Variants in SLC25A42 observed in about 807,000 individuals in gnomAD.
The protein encoded by SLC25A42 is mitochondrial coenzyme A transporter SLC25A42.
A neutral mutation model predicts 34.7 loss-of-function variants in SLC25A42; 19 were observed. The ratio of observed to expected loss-of-function variants is 0.55; its 90% CI spans 0.38 to 0.80. SLC25A42 has a LOEUF of 0.80. Among genes scored for constraint, SLC25A42 ranks in the 30% least tolerant of loss-of-function variants. SLC25A42 has a pLI of 0.00. For synonymous variants in SLC25A42, 205 were observed against 191.2 expected, an observed-to-expected ratio of 1.07 and a Z score of -0.59; for missense variants, 364 against 441.3, an observed-to-expected ratio of 0.82 and a Z score of 1.57.
rs199906422 is a variant in SLC25A42 at position 19,095,321 on chromosome 19, G to GA, written c.-34-760dup. ...CTACTGCACTTGAGCCTGGGTGGGG[G>GA]AAAAAAAAAAGGCCAGGTGCGGTGG... On this transcript the variant is annotated intron_variant, in intron 1 of 7. Coordinates refer to ENST00000318596, the MANE Select transcript of SLC25A42 (RefSeq NM_178526.5). Among the ~76,000 whole-genome samples the GA allele has an allele frequency of 5.4e-4, 78 of 145,500 alleles. No individual in the cohort carries two copies. In the South Asian group the frequency reaches 8.1e-3, roughly 15 times the overall value.
At chr19:19,096,298 C>G in intron 2 of SLC25A42, 93 bp downstream of exon 2, 1 of 916,658 alleles carries the variant, frequency 1.1e-6, no homozygotes, top group South Asian at 1.6e-5. Flanking sequence ...CTCCCAGCCT[C>G]TGCACCCCCT....
chr19:19,076,485 AACAGGTGTTCTCC>A (rs1230223371), intron 1 of SLC25A42, among the ~76,000 whole-genome samples: 1 of 151,822 alleles, frequency 6.6e-6, no homozygotes, highest in African/African-American at 2.4e-5. Flanking sequence ...AACAAAACAA[AACAGGTGTTCTCC>A]ACAGGTTGGA....
chr19:19,106,114 T>G lies in SLC25A42; in HGVS notation c.381-155T>G. The G allele has an allele frequency of 7.8e-6, 5 of 641,924 alleles. No individual in the cohort carries two copies. The South Asian group carries it at 9.7e-5, about 12-fold the overall frequency. 39.8% of individuals were successfully genotyped at this position (641,924 alleles called of 1,614,324 possible). A position where few individuals can be genotyped will look rare whatever the true frequency, so the allele number is the denominator to read the frequency against. On this transcript the variant is annotated intron_variant, in intron 5 of 7. Coordinates refer to ENST00000318596, the MANE Select transcript of SLC25A42 (RefSeq NM_178526.5). ...AATGAGGCCCACTCCAGAGACCCCA[T>G]CAGCTTGGCCAGGAGGAAGCCAAAC...
At chr19:19,072,842 C>G (rs1322209374) in intron 1 of SLC25A42, among the ~76,000 whole-genome samples, 1 of 150,882 alleles carries the variant, frequency 6.6e-6, no homozygotes, top group East Asian at 2.0e-4. Context: ...CCATACCTGG[C>G]TAATTTATTT....
intron 3 of SLC25A42, among the ~76,000 whole-genome samples, chr19:19,103,076 TTTTA>T (rs891612010): frequency 8.5e-5 from 13 of 152,108 alleles, no homozygotes; most frequent in Non-Finnish European, 1.8e-4. Context: ...TCTCTCTCTC[TTTTA>T]TTTATTTATT....
chr19:19,101,877 A>G lies in SLC25A42; in HGVS notation c.178A>G (p.Ile60Val), dbSNP rs1184944921. Residue 60 changes from isoleucine (I) to valine (V), a missense_variant, in exon 3 of 8, where the codon ATC becomes GTC. Ile to Val is a conservative substitution (Grantham distance 29). Transcript: ENST00000318596. ...AVAPLDRTKI[I>V]FQVSSKRFSA... ...AGCTCCCCTGGACCGAACCAAAATC[A>G]TCTTCCAAGGTAAGTGTTGGCCATC... 9.3e-6 allele frequency: 15 copies of G among 1,612,554 alleles called. No homozygotes were observed. Among genetic ancestry groups the G allele is most frequent in the Non-Finnish European group, 1.3e-5 (15 of 1,179,220 alleles).
chr19:19,097,570 C>G (rs1357324272), intron 2 of SLC25A42, among the ~76,000 whole-genome samples: 2 of 152,242 alleles, frequency 1.3e-5, no homozygotes, highest in Admixed American at 6.5e-5. Flanking sequence ...TGCCCATTCT[C>G]CTCTGTACTG....
At chr19:19,068,511 A>G (rs914650251) in intron 1 of SLC25A42, among the ~76,000 whole-genome samples, 6 of 152,030 alleles carry the variant, frequency 3.9e-5, no homozygotes, top group African/African-American at 1.4e-4. Flanking sequence ...TACTAAAAAT[A>G]CAAAAATTAG....
chr19:19,075,887 G>T (rs1037448936), intron 1 of SLC25A42, among the ~76,000 whole-genome samples: 3 of 152,162 alleles, frequency 2.0e-5, no homozygotes, highest in African/African-American at 7.2e-5. Context: ...GAAGAAAGAG[G>T]ACTTCTCCGG....
intron 2 of SLC25A42, among the ~76,000 whole-genome samples, chr19:19,100,480 C>G (rs561782626): frequency 6.4e-4 from 97 of 152,222 alleles, no homozygotes; most frequent in African/African-American, 2.3e-3. Flanking sequence ...GCCAGCAAAT[C>G]TGCCCTCCTT....
At chr19:19,108,103 C>G in intron 7 of SLC25A42, 58 bp downstream of exon 7, 1 of 1,514,792 alleles carries the variant, frequency 6.6e-7, no homozygotes, top group Non-Finnish European at 8.9e-7. Context: ...CTGGGGACAG[C>G]AGCTCCACCT....
chr19:19,070,125 C>CT (rs199531301), intron 1 of SLC25A42, among the ~76,000 whole-genome samples: 2,157 of 151,868 alleles, frequency 0.014, 47 homozygotes, highest in African/African-American at 0.047. Context: ...TCCAGAGTAG[C>CT]TGGGACTACA....
rs1434103441 is a variant in SLC25A42, at chr19:19,109,886, C to T, written c.650-683C>T. Among the ~76,000 whole-genome samples the T allele has an allele frequency of 6.6e-6, 1 of 152,218 alleles. No homozygotes were observed. Among genetic ancestry groups the T allele is most frequent in the African/African-American group, 2.4e-5 (1 of 41,454 alleles). On this transcript the variant is annotated intron_variant, in intron 7 of 7. Transcript: ENST00000318596. This position sits in a 1 kb window ranked among gnomAD's most constrained non-coding sequence, Gnocchi z 4.1. ...TGAAGTTCATGGTCACTTATGTCCACTCTGTGCAACAGCTCGCAGGGGCTC... is the reference window on the plus strand; with the variant it reads ...TGAAGTTCATGGTCACTTATGTCCATTCTGTGCAACAGCTCGCAGGGGCTC...
At chr19:19,074,007 C>T (rs977576271) in intron 1 of SLC25A42, among the ~76,000 whole-genome samples, 1 of 152,242 alleles carries the variant, frequency 6.6e-6, no homozygotes, top group Admixed American at 6.5e-5. Flanking sequence ...CACGCCCAAC[C>T]AAACATAGGG....
chr19:19,074,667 A>G (rs78505257), intron 1 of SLC25A42, among the ~76,000 whole-genome samples: 2 of 152,038 alleles, frequency 1.3e-5, no homozygotes, highest in African/African-American at 4.8e-5. Flanking sequence ...ACATGTGCAT[A>G]TGAGTCTGTG....
chr19:19,089,532 A>AT (rs1223992424), intron 1 of SLC25A42, among the ~76,000 whole-genome samples: 53 of 146,858 alleles, frequency 3.6e-4, no homozygotes, highest in African/African-American at 1.2e-3. Context: ...CATCTCAAAA[A>AT]AAATAATAAT....
intron 7 of SLC25A42, among the ~76,000 whole-genome samples, chr19:19,110,126 C>T (rs967326832): frequency 1.3e-5 from 2 of 152,016 alleles, no homozygotes; most frequent in Non-Finnish European, 2.9e-5. Flanking sequence ...GCAGGCAGAT[C>T]GCCTGAGGTC....
intron 3 of SLC25A42, 72 bp downstream of exon 3, chr19:19,101,958 C>T (rs2059799114): frequency 1.4e-5 from 13 of 950,896 alleles, no homozygotes; most frequent in South Asian, 1.2e-4. Context: ...GCCCCCAAAC[C>T]ACGCTTCAAA....
intron 1 of SLC25A42, among the ~76,000 whole-genome samples, chr19:19,089,247 G>A (rs1341981011): frequency 6.6e-6 from 1 of 152,136 alleles, no homozygotes; most frequent in Admixed American, 6.5e-5. Context: ...AGATTCCAGG[G>A]CTGGGCGCGG....
Sources: gnomAD v4.1 joint callset for allele counts (sites outside exome capture counted in the v4.1 genomes callset) on GRCh38, gnomAD v4.1.1 for gene constraint, Gnocchi (gnomAD v3.1) non-coding constraint, MANE v1.5 for transcripts, NCBI Gene and HGNC (gene_info 2026-07-23, HGNC 2026-07-21) for gene names.